Variants in PPP1R37 observed in about 807,000 individuals in gnomAD.
PPP1R37 encodes the protein leucine rich repeat containing 68.
PPP1R37 carries 21 observed loss-of-function variants against 61.0 expected under a neutral mutation model. The observed-to-expected ratio is 0.34, with a 90% CI of 0.24 to 0.50. PPP1R37 has a LOEUF of 0.50. PPP1R37 is among the 20% of genes least tolerant of loss of function. The pLI, the probability that PPP1R37 is intolerant of heterozygous loss-of-function variation, is 0.98. For synonymous variants in PPP1R37, 443 were observed against 433.5 expected, an observed-to-expected ratio of 1.02 and a Z score of -0.27; for missense variants, 910 against 952.7, an observed-to-expected ratio of 0.96 and a Z score of 0.59.
intron 7 of PPP1R37, 143 bp from the exon 8 acceptor site, chr19:45,143,378 C>A: frequency 5.2e-6 from 3 of 577,578 alleles, no homozygotes; most frequent in Non-Finnish European, 9.3e-6. Context: ...GGGTGCCAGG[C>A]CGAGGCAGGG....
chr19:45,138,034 G>A (rs2122750064), intron 1 of PPP1R37, among the ~76,000 whole-genome samples: 1 of 152,226 alleles, frequency 6.6e-6, no homozygotes, highest in East Asian at 1.9e-4. Flanking sequence ...CTGCTCGGGA[G>A]GATGCTTGAG....
chr19:45,119,401 C>T (rs901447347), intron 1 of PPP1R37, among the ~76,000 whole-genome samples: 3 of 152,188 alleles, frequency 2.0e-5, no homozygotes, highest in African/African-American at 7.2e-5. Flanking sequence ...GATCTGCCCA[C>T]CTTGGCCTCC....
At chr19:45,142,494 C>T in intron 7 of PPP1R37, 36 bp downstream of exon 7, 1 of 1,530,748 alleles carries the variant, frequency 6.5e-7, no homozygotes, top group Non-Finnish European at 8.8e-7. Flanking sequence ...ACACCCGTCA[C>T]CCAGCACCCA....
chr19:45,129,058 C>T, intron 1 of PPP1R37: 1 of 711,972 alleles, frequency 1.4e-6, no homozygotes, highest in Non-Finnish European at 2.5e-6. Context: ...ACAGTGGTGG[C>T]AGCAGTGATC....
intron 1 of PPP1R37, among the ~76,000 whole-genome samples, chr19:45,124,110 G>A (rs1044486807): frequency 6.6e-6 from 1 of 152,168 alleles, no homozygotes; most frequent in African/African-American, 2.4e-5. Context: ...TAGTCCAGTG[G>A]GGGAGACACA....
intron 1 of PPP1R37, among the ~76,000 whole-genome samples, chr19:45,132,892 G>T (rs1968495829): frequency 6.6e-6 from 1 of 152,020 alleles, no homozygotes; most frequent in African/African-American, 2.4e-5. Context: ...ATATGTGTGT[G>T]CTAAGCACTG....
In PPP1R37 at chr19:45,121,732, C is replaced by T. The variant is rs1023502500; in HGVS notation, c.203-16782C>T. On this transcript the variant is annotated intron_variant, in intron 1 of 12. Coordinates refer to ENST00000221462, the MANE Select transcript of PPP1R37 (RefSeq NM_019121.2). The surrounding 1 kb of genome is among the most constrained non-coding windows in gnomAD (Gnocchi z 4.2). ...GGGGTGCTGGGGCCTCCACGGGCGT[C>T]ATTCTGTGGTTGCTCCAGGATTGGA... Among the ~76,000 whole-genome samples the T allele has an allele frequency of 7.9e-5, 12 of 152,346 alleles. No individual in the cohort carries two copies. Among genetic ancestry groups the T allele is most frequent in the South Asian group, 6.2e-4 (3 of 4,828 alleles).
chr19:45,099,611 G>A (rs1968037237), intron 1 of PPP1R37, among the ~76,000 whole-genome samples: 1 of 152,240 alleles, frequency 6.6e-6, no homozygotes, highest in South Asian at 2.1e-4. Flanking sequence ...CTCCGTGCCT[G>A]TACATGCAGT....
chr19:45,111,307 C>T (rs1425869976), intron 1 of PPP1R37, among the ~76,000 whole-genome samples: 1 of 151,766 alleles, frequency 6.6e-6, no homozygotes, highest in Non-Finnish European at 1.5e-5. Context: ...CAGAGTCTTA[C>T]TCTGTCACCC....
chr19:45,127,649 T>C (rs960889803), intron 1 of PPP1R37, among the ~76,000 whole-genome samples: 3 of 152,070 alleles, frequency 2.0e-5, no homozygotes, highest in African/African-American at 7.2e-5. Flanking sequence ...TCAAAAGATG[T>C]AAAAAGGTGG....
rs576077676 is a variant in PPP1R37 at position 45,130,398 on chromosome 19, G to A, written c.203-8116G>A. 2.6e-4 allele frequency among the ~76,000 whole-genome samples: 40 copies of A among 152,254 alleles called. 1 individual carries two copies. In the South Asian group the frequency reaches 7.1e-3, roughly 27 times the overall value. On this transcript the variant is annotated intron_variant, in intron 1 of 12. Coordinates refer to ENST00000221462, the MANE Select transcript of PPP1R37 (RefSeq NM_019121.2). This position sits in a 1 kb window ranked among gnomAD's most constrained non-coding sequence, Gnocchi z 4.4. ...CCTCACCAGGGTCCACGGGGTCACC[G>A]TCCCACATCATCCCCAGTGCTCCCC...
chr19:45,139,919 C>T (rs1968587820), intron 2 of PPP1R37, among the ~76,000 whole-genome samples: 1 of 152,262 alleles, frequency 6.6e-6, no homozygotes, highest in Non-Finnish European at 1.5e-5. Flanking sequence ...TGCACAGACT[C>T]CCTCCTCTGC....
intron 1 of PPP1R37, among the ~76,000 whole-genome samples, chr19:45,102,639 T>C (rs1316335273): frequency 3.9e-5 from 6 of 152,192 alleles, no homozygotes; most frequent in Non-Finnish European, 5.9e-5. Context: ...CTGAGTGTGA[T>C]TTCGGCTCCT....
At chr19:45,106,329 C>A (rs1357346794) in intron 1 of PPP1R37, among the ~76,000 whole-genome samples, 1 of 152,062 alleles carries the variant, frequency 6.6e-6, no homozygotes. Context: ...GAAACCTTTG[C>A]CTCCCAAGTT....
intron 1 of PPP1R37, among the ~76,000 whole-genome samples, chr19:45,104,827 T>C (rs1434325103): frequency 6.6e-6 from 1 of 151,914 alleles, no homozygotes; most frequent in Non-Finnish European, 1.5e-5. Context: ...TTCCTTTCAG[T>C]CCTAGAACAC....
chr19:45,131,576 A>C (rs945437413), intron 1 of PPP1R37, among the ~76,000 whole-genome samples: 2 of 152,186 alleles, frequency 1.3e-5, no homozygotes, highest in African/African-American at 4.8e-5. Context: ...TGAGCTGGCC[A>C]AGTGAAATTG....
intron 1 of PPP1R37, among the ~76,000 whole-genome samples, chr19:45,119,737 A>G (rs1439197892): frequency 6.6e-6 from 1 of 152,188 alleles, no homozygotes; most frequent in Non-Finnish European, 1.5e-5. Flanking sequence ...CCACTGGGAA[A>G]GTGGCCAGGT....
chr19:45,116,701 GTTCA>G (rs1968272133), intron 1 of PPP1R37, among the ~76,000 whole-genome samples: 1 of 152,142 alleles, frequency 6.6e-6, no homozygotes, highest in African/African-American at 2.4e-5. Context: ...CGGTGCATTC[GTTCA>G]TTCATAGACT....
intron 1 of PPP1R37, among the ~76,000 whole-genome samples, chr19:45,123,505 G>A (rs1968365794): frequency 6.6e-6 from 1 of 152,214 alleles, no homozygotes; most frequent in East Asian, 1.9e-4. Context: ...CCGGTTTGAA[G>A]CCGGGGCCTG....
Sources: allele counts gnomAD v4.1 joint callset (sites outside exome capture counted in the v4.1 genomes callset), GRCh38; gene constraint gnomAD v4.1.1; non-coding constraint Gnocchi (gnomAD v3.1); transcripts MANE v1.5; gene names NCBI Gene and HGNC (gene_info 2026-07-23, HGNC 2026-07-21).